Variants in GALNT2 observed in about 807,000 individuals in gnomAD.
GALNT2 encodes the protein UDP-GalNAc:polypeptide N-acetylgalactosaminyltransferase 2.
GALNT2 carries 31 observed loss-of-function variants against 81.4 expected under a neutral mutation model. The ratio of observed to expected loss-of-function variants is 0.38; its 90% CI spans 0.29 to 0.51. The LOEUF (loss-of-function observed/expected upper bound fraction) is 0.51. GALNT2 is among the 20% of genes least tolerant of loss of function. The probability of loss-of-function intolerance (pLI) is 0.87; values close to 1 mark genes in which losing one functional copy is unlikely to be tolerated. For missense variants in GALNT2, 629 were observed against 765.7 expected (o/e 0.82, Z 2.11); for synonymous variants, 303 against 287.4 (o/e 1.05, Z -0.55).
chr1:230,264,053 G>T (rs1171029024), intron 13 of GALNT2: 1 of 152,232 alleles, frequency 6.6e-6, no homozygotes, highest in African/African-American at 2.4e-5. Context: ...GATCCCTGCC[G>T]TGCAGGACAG....
chr1:230,276,089 A>G (rs12751135), intron 15 of GALNT2, among the ~76,000 whole-genome samples: 13 of 150,946 alleles, frequency 8.6e-5, no homozygotes, highest in Admixed American at 2.0e-4. Context: ...ATATATATAC[A>G]TATATAAACA....
At chr1:230,159,523 A>G (rs1662365358) in intron 1 of GALNT2, among the ~76,000 whole-genome samples, 1 of 152,196 alleles carries the variant, frequency 6.6e-6, no homozygotes, top group Non-Finnish European at 1.5e-5. Context: ...CAGATGTGTC[A>G]TACTTTTCTC....
chr1:230,141,999 C>T (rs546640616), intron 1 of GALNT2, among the ~76,000 whole-genome samples: 182 of 152,096 alleles, frequency 1.2e-3, no homozygotes, highest in African/African-American at 4.2e-3. Context: ...CACTGTGTTG[C>T]CCAGGCTGGT....
intron 3 of GALNT2, among the ~76,000 whole-genome samples, chr1:230,220,930 T>TC (rs1664527373): frequency 6.6e-6 from 1 of 152,198 alleles, no homozygotes; most frequent in African/African-American, 2.4e-5. Flanking sequence ...TATCATGAAC[T>TC]CCCCAAGTTC....
chr1:230,236,865 T>G, intron 6 of GALNT2, 140 bp downstream of exon 6: 2 of 687,388 alleles, frequency 2.9e-6, no homozygotes, highest in Non-Finnish European at 4.7e-6. Flanking sequence ...CTTGGGAGAC[T>G]TCTCCCAGCA....
At position 230,139,967 on chromosome 1, in the gene GALNT2, G is replaced by A. The variant is rs542368273; in HGVS notation, c.127-38251G>A. 1.4e-4 allele frequency among the ~76,000 whole-genome samples: 21 copies of A among 152,316 alleles called. No homozygotes were observed. The South Asian group carries it at 4.1e-3, about 30-fold the overall frequency. On this transcript the variant is annotated intron_variant, in intron 1 of 15. Transcript: ENST00000366672. ...AGAATTGCGTAGCCCTGGGAGGAAG[G>A]GACCATAAAGATGAATCAGCCCAGC...
At chr1:230,105,760 C>T (rs1660525906) in intron 1 of GALNT2, among the ~76,000 whole-genome samples, 2 of 152,180 alleles carry the variant, frequency 1.3e-5, no homozygotes, top group East Asian at 3.8e-4. Flanking sequence ...GTCCTGTTGG[C>T]TCATAAGCAT....
chr1:230,169,947 GGT>G (rs1386625615), intron 1 of GALNT2, among the ~76,000 whole-genome samples: 1 of 152,192 alleles, frequency 6.6e-6, no homozygotes, highest in Non-Finnish European at 1.5e-5. Flanking sequence ...TGAAGCCAGT[GGT>G]TCTGAACACT....
At chr1:230,223,421 C>A (rs1260754461) in intron 3 of GALNT2, among the ~76,000 whole-genome samples, 1 of 151,500 alleles carries the variant, frequency 6.6e-6, no homozygotes, top group African/African-American at 2.4e-5. Context: ...TTAAGCCAAC[C>A]TGATGGTCTA....
At position 230,061,492 on chromosome 1, in the gene GALNT2, G is replaced by A. The variant is rs190155418; in HGVS notation, n.89+3414G>A. ...TGAGAGCACATAGCTGGCATACTTT[G>A]TTTAAAGTTATGAATATTTTTTTAA... On this transcript the variant is annotated intron_variant and non_coding_transcript_variant, in intron 1 of 6. Transcript: ENST00000494106. Among the ~76,000 whole-genome samples, 368 of 152,050 alleles carry A rather than the reference G, an allele frequency of 2.4e-3. No homozygotes were observed. The Middle Eastern group carries it at 0.041, about 17-fold the overall frequency.
At position 230,235,898 on chromosome 1, in the gene GALNT2, A is replaced by C. The variant is rs1183510025; in HGVS notation, c.375-116A>C. On this transcript the variant is annotated intron_variant, in intron 3 of 15. Coordinates refer to ENST00000366672, the MANE Select transcript of GALNT2 (RefSeq NM_004481.5). ...AGGCCAGGAACTTCTGCAGATAACAAGTTAATCATAGCATGTCCATCCCAG... is the reference window on the plus strand; with the variant it reads ...AGGCCAGGAACTTCTGCAGATAACACGTTAATCATAGCATGTCCATCCCAG... 15 of 823,414 alleles carry C rather than the reference A, an allele frequency of 1.8e-5. 1 individual carries two copies. The Admixed American group carries it at 3.3e-4, about 18-fold the overall frequency. 51.0% of individuals were successfully genotyped at this position (823,414 alleles called of 1,614,324 possible).
At chr1:230,253,899 G>A (rs1665626206) in intron 10 of GALNT2, among the ~76,000 whole-genome samples, 1 of 151,870 alleles carries the variant, frequency 6.6e-6, no homozygotes, top group Non-Finnish European at 1.5e-5. Flanking sequence ...TAGCTTCCAT[G>A]TATGGGTGAA....
intron 1 of GALNT2, among the ~76,000 whole-genome samples, chr1:230,085,174 G>A (rs993299364): frequency 3.9e-5 from 6 of 152,128 alleles, no homozygotes; most frequent in Non-Finnish European, 5.9e-5. Context: ...TCACCACTGC[G>A]GATGGCAGAC....
At chr1:230,099,545 C>T (rs191576778) in intron 1 of GALNT2, among the ~76,000 whole-genome samples, 28 of 152,296 alleles carry the variant, frequency 1.8e-4, no homozygotes, top group Non-Finnish European at 3.7e-4. Flanking sequence ...CTGTGATTCC[C>T]AAGAAATGCC....
chr1:230,111,081 C>G (rs1660690456), intron 1 of GALNT2, among the ~76,000 whole-genome samples: 1 of 152,186 alleles, frequency 6.6e-6, no homozygotes, highest in Non-Finnish European at 1.5e-5. Context: ...TATGTACACA[C>G]TGCATGTGTC....
intron 1 of GALNT2, among the ~76,000 whole-genome samples, chr1:230,131,978 CG>C (rs1661382389): frequency 6.6e-6 from 1 of 152,170 alleles, no homozygotes; most frequent in South Asian, 2.1e-4. Flanking sequence ...GCTGACCAAT[CG>C]TTACCTCCTT....
chr1:230,205,719 G>C (rs1043662377), intron 3 of GALNT2, among the ~76,000 whole-genome samples: 1 of 152,178 alleles, frequency 6.6e-6, no homozygotes, highest in Non-Finnish European at 1.5e-5. Flanking sequence ...CGTTTCTGGG[G>C]ACAGGGTCCT....
chr1:230,278,347 A>G (rs1666351804), intron 15 of GALNT2, among the ~76,000 whole-genome samples: 1 of 151,090 alleles, frequency 6.6e-6, no homozygotes, highest in Admixed American at 6.6e-5. Context: ...CTGGTCTTGA[A>G]CTCCTGGCCT....
At chr1:230,255,000 G>T (rs947731076) in intron 10 of GALNT2, among the ~76,000 whole-genome samples, 2 of 152,182 alleles carry the variant, frequency 1.3e-5, no homozygotes, top group African/African-American at 4.8e-5. Context: ...TTGTATTGTG[G>T]TCCAGAGATC....
Sources: allele counts gnomAD v4.1 joint callset (sites outside exome capture counted in the v4.1 genomes callset), GRCh38; gene constraint gnomAD v4.1.1; transcripts MANE v1.5; gene names NCBI Gene and HGNC (gene_info 2026-07-23, HGNC 2026-07-21).